Variants in MAF observed in about 807,000 individuals in gnomAD.
MAF encodes the protein transcription factor Maf.
A neutral mutation model predicts 22.0 loss-of-function variants in MAF; 10 were observed. The observed-to-expected ratio is 0.45, with a 90% CI of 0.28 to 0.77. The LOEUF is 0.77. Ranked by LOEUF, MAF falls within the 30% of genes least tolerant of loss-of-function variation. The pLI is 0.12. For synonymous variants in MAF, 337 were observed against 255.8 expected (o/e 1.32, Z -3.03); for missense variants, 544 against 548.4 (o/e 0.99, Z 0.08).
chr16:79,231,795 A>C, the MAF span, among the ~76,000 whole-genome samples: 11,135 of 152,128 alleles, frequency 0.073, 591 homozygotes, highest in Middle Eastern at 0.15. Context: ...ATTTACGGTG[A>C]ACTGTATTTC....
At chr16:79,218,185 T>C in the MAF span, among the ~76,000 whole-genome samples, 8 of 152,210 alleles carry the variant, frequency 5.3e-5, no homozygotes, top group Admixed American at 4.6e-4. Context: ...TGTTATGTTA[T>C]TGCCTTTCAA....
At chr16:79,492,380 G>A in the MAF span, among the ~76,000 whole-genome samples, 6 of 152,030 alleles carry the variant, frequency 3.9e-5, no homozygotes, top group East Asian at 9.6e-4. Context: ...GATGTGCAAC[G>A]TATCCGAATT....
chr16:79,384,960 A>G, the MAF span, among the ~76,000 whole-genome samples: 1 of 152,178 alleles, frequency 6.6e-6, no homozygotes, highest in Admixed American at 6.5e-5. Flanking sequence ...CACTGAGGCC[A>G]TATTTGAACA....
chr16:79,523,233 G>A, the MAF span, among the ~76,000 whole-genome samples: 3 of 152,250 alleles, frequency 2.0e-5, no homozygotes, highest in Non-Finnish European at 4.4e-5. Flanking sequence ...AGCCATGATT[G>A]TTCTAACAGG....
the MAF span, among the ~76,000 whole-genome samples, chr16:79,366,710 G>T: frequency 1.3e-5 from 2 of 152,162 alleles, no homozygotes; most frequent in Non-Finnish European, 2.9e-5. Context: ...TCCCTATGGG[G>T]GTTCTCCATC....
chr16:79,579,401 T>C, the MAF span, among the ~76,000 whole-genome samples: 1 of 152,208 alleles, frequency 6.6e-6, no homozygotes, highest in Admixed American at 6.5e-5. Context: ...CAGATATATA[T>C]GTGCTGACAT....
chr16:79,563,553 T>A, the MAF span, among the ~76,000 whole-genome samples: 1 of 152,072 alleles, frequency 6.6e-6, no homozygotes, highest in Non-Finnish European at 1.5e-5. Context: ...ACATTTTTTA[T>A]AATGAGTATG....
the MAF span, among the ~76,000 whole-genome samples, chr16:79,545,544 C>T: frequency 6.6e-6 from 1 of 151,168 alleles, no homozygotes; most frequent in African/African-American, 2.4e-5. Flanking sequence ...AAAAAGATTT[C>T]AATAGAAAAT....
the MAF span, among the ~76,000 whole-genome samples, chr16:79,382,202 A>C: frequency 1.3e-5 from 2 of 152,212 alleles, no homozygotes; most frequent in Non-Finnish European, 2.9e-5. Flanking sequence ...GACACAACTC[A>C]ATCATTTTTC....
the MAF span, among the ~76,000 whole-genome samples, chr16:79,445,834 GA>G: frequency 6.6e-6 from 1 of 152,174 alleles, no homozygotes; most frequent in African/African-American, 2.4e-5. Flanking sequence ...GTGTATTATA[GA>G]TGTTATTTCA....
At chr16:79,208,710 G>A in the MAF span, among the ~76,000 whole-genome samples, 2 of 151,922 alleles carry the variant, frequency 1.3e-5, no homozygotes, top group African/African-American at 4.8e-5. Context: ...TTTCACTAAT[G>A]TGCCTCAGTC....
chr16:79,427,037 A>G, the MAF span, among the ~76,000 whole-genome samples: 2 of 152,326 alleles, frequency 1.3e-5, no homozygotes, highest in Admixed American at 1.3e-4. Flanking sequence ...GCCAAATTGA[A>G]CCATATCTCC....
chr16:79,236,945 A>G, the MAF span, among the ~76,000 whole-genome samples: 3 of 15,018 alleles, frequency 2.0e-4, 1 homozygote, highest in Non-Finnish European at 9.0e-4. Flanking sequence ...TAAATCTCGG[A>G]AAAAAAAAAA....
chr16:79,316,393 G>C, the MAF span, among the ~76,000 whole-genome samples: 34 of 152,292 alleles, frequency 2.2e-4, no homozygotes, highest in African/African-American at 7.9e-4. Context: ...TGGTCTGCAG[G>C]ACACTGGTAA....
At chr16:79,285,296 C>T in the MAF span, among the ~76,000 whole-genome samples, 8 of 152,172 alleles carry the variant, frequency 5.3e-5, no homozygotes, top group East Asian at 9.7e-4. Flanking sequence ...GGTCTTTAAG[C>T]CATAATATAT....
chr16:79,445,359 T>C, the MAF span, among the ~76,000 whole-genome samples: 3 of 152,210 alleles, frequency 2.0e-5, no homozygotes, highest in African/African-American at 7.2e-5. Context: ...CAGATGTTTT[T>C]ATGTATCAGT....
At chr16:79,271,763 T>A in the MAF span, among the ~76,000 whole-genome samples, 2 of 152,234 alleles carry the variant, frequency 1.3e-5, no homozygotes, top group African/African-American at 4.8e-5. Flanking sequence ...TCTATCCAGG[T>A]TTCTTCCTTG....
the MAF span, among the ~76,000 whole-genome samples, chr16:79,434,306 G>C: frequency 6.6e-6 from 1 of 152,322 alleles, no homozygotes; most frequent in East Asian, 1.9e-4. Context: ...ACGGTGACGT[G>C]CTTATAAATG....
the MAF span, among the ~76,000 whole-genome samples, chr16:79,255,995 T>G: frequency 6.8e-6 from 1 of 147,280 alleles, no homozygotes; most frequent in African/African-American, 2.5e-5. Context: ...TTTTTTTTTT[T>G]TTTGTGAGAT....
Sources: gnomAD v4.1 joint callset for allele counts (sites outside exome capture counted in the v4.1 genomes callset) on GRCh38, gnomAD v4.1.1 for gene constraint, MANE v1.5 for transcripts, NCBI Gene and HGNC (gene_info 2026-07-23, HGNC 2026-07-21) for gene names.